Variants in SGCZ observed in about 807,000 individuals in gnomAD.
SGCZ encodes the protein zeta-sarcoglycan.
In SGCZ, 40 loss-of-function variants were observed where a neutral mutation model predicts 41.3. The observed-to-expected ratio is 0.97, with a 90% CI of 0.75 to 1.26. The LOEUF (loss-of-function observed/expected upper bound fraction) is 1.26, where lower values mean the gene tolerates loss of function less well. Among genes scored for constraint, SGCZ ranks in the 50% most tolerant of loss-of-function variants. SGCZ has a pLI of 0.00. For synonymous variants in SGCZ, 206 were observed against 137.5 expected, an observed-to-expected ratio of 1.50 and a Z score of -3.49; for missense variants, 552 against 369.8, an observed-to-expected ratio of 1.49 and a Z score of -4.04.
At chr8:14,945,670 T>C (rs1800420404) in intron 1 of SGCZ, among the ~76,000 whole-genome samples, 1 of 151,730 alleles carries the variant, frequency 6.6e-6, no homozygotes, top group Admixed American at 6.6e-5. Context: ...CTACAATCAA[T>C]GTGGGCAGGC....
intron 1 of SGCZ, among the ~76,000 whole-genome samples, chr8:15,040,950 T>C (rs1426341555): frequency 2.0e-5 from 3 of 152,090 alleles, no homozygotes; most frequent in African/African-American, 4.8e-5. Flanking sequence ...AAAAAGTGTC[T>C]AATACGTTTA....
At chr8:14,649,164 A>G (rs1807318202) in intron 1 of SGCZ, among the ~76,000 whole-genome samples, 3 of 152,140 alleles carry the variant, frequency 2.0e-5, no homozygotes, top group African/African-American at 7.2e-5. Context: ...GCTTTCCAAG[A>G]ACTGAGAAGG....
chr8:15,048,772 A>G (rs570813655), intron 1 of SGCZ, among the ~76,000 whole-genome samples: 2 of 152,254 alleles, frequency 1.3e-5, no homozygotes, highest in South Asian at 4.1e-4. Context: ...TTTTTTATAT[A>G]TAGACATATT....
chr8:14,244,787 T>G (rs1405105927), intron 3 of SGCZ, among the ~76,000 whole-genome samples: 1 of 152,100 alleles, frequency 6.6e-6, no homozygotes, highest in African/African-American at 2.4e-5. Context: ...GGTTTGTAGT[T>G]CTCCTTGAAG....
rs1163992326 is a variant in SGCZ, at chr8:15,237,629, G to T, written c.-6C>A. 1.3e-6 allele frequency: 2 copies of T among 1,581,834 alleles called. No individual in the cohort carries two copies. Among genetic ancestry groups the T allele is most frequent in the African/African-American group, 1.3e-5 (1 of 74,220 alleles). Reference sequence around the variant, plus strand: ...AGGTTCGTTGATCTGTCCATGGAGCGCAACTAAACGAAGTGGAGAGGAACC... The same window carrying T: ...AGGTTCGTTGATCTGTCCATGGAGCTCAACTAAACGAAGTGGAGAGGAACC... On this transcript the variant is annotated 5_prime_UTR_variant, in exon 1 of 8. Transcript: ENST00000382080.
intron 2 of SGCZ, among the ~76,000 whole-genome samples, chr8:14,372,365 T>G (rs1031194743): frequency 3.9e-5 from 6 of 152,200 alleles, no homozygotes; most frequent in African/African-American, 1.4e-4. Flanking sequence ...ATTCATTCTT[T>G]TGTTGAACAA....
intron 2 of SGCZ, among the ~76,000 whole-genome samples, chr8:14,440,201 A>G (rs1403723827): frequency 1.3e-5 from 2 of 152,052 alleles, no homozygotes; most frequent in Admixed American, 1.3e-4. Flanking sequence ...TTTTTTGCCT[A>G]TATGTCATAG....
At chr8:15,020,235 G>A (rs1803200029) in intron 1 of SGCZ, among the ~76,000 whole-genome samples, 1 of 152,076 alleles carries the variant, frequency 6.6e-6, no homozygotes, top group Non-Finnish European at 1.5e-5. Context: ...AGCAATTTAA[G>A]CTTGGTTTGC....
rs557678453 is a variant in SGCZ at position 14,374,620 on chromosome 8, T to C, written c.235-50416A>G. ...TGAACACGAAAAGCCTATTTAGGAC[T>C]GATGGCCATAAATACATAGGGAGGC... On this transcript the variant is annotated intron_variant, in intron 2 of 7. Transcript: ENST00000382080. Among the ~76,000 whole-genome samples the C allele has an allele frequency of 1.6e-4, 25 of 152,204 alleles. No homozygotes were observed. In the East Asian group the frequency reaches 4.3e-3, roughly 26 times the overall value.
At chr8:14,147,781 A>T (rs13276610) in intron 5 of SGCZ, among the ~76,000 whole-genome samples, 49,136 of 152,014 alleles carry the variant, frequency 0.32, 10,210 homozygotes, top group Non-Finnish European at 0.47. Flanking sequence ...CATGTGGATC[A>T]TTATCAGGGA....
chr8:14,532,929 C>A (rs1202572299), intron 2 of SGCZ, among the ~76,000 whole-genome samples: 1 of 151,906 alleles, frequency 6.6e-6, no homozygotes, highest in Non-Finnish European at 1.5e-5. Context: ...AACTTTCAAT[C>A]TTTTCTAGTT....
chr8:14,130,978 C>T (rs189060591), intron 5 of SGCZ, among the ~76,000 whole-genome samples: 2 of 152,156 alleles, frequency 1.3e-5, no homozygotes, highest in Admixed American at 6.5e-5. Context: ...TCCTTTGTGC[C>T]CTGTGTAAAT....
At chr8:15,093,214 T>A (rs759722385) in intron 1 of SGCZ, among the ~76,000 whole-genome samples, 11 of 152,210 alleles carry the variant, frequency 7.2e-5, no homozygotes, top group African/African-American at 1.2e-4. Context: ...AACATTTGTA[T>A]AGATTTTAAG....
chr8:14,943,514 T>G (rs1183639698), intron 1 of SGCZ, among the ~76,000 whole-genome samples: 1 of 152,178 alleles, frequency 6.6e-6, no homozygotes, highest in South Asian at 2.1e-4. Flanking sequence ...AGGTGTCTCA[T>G]AGCCTCTTTC....
chr8:14,220,939 T>C (rs964354433), intron 4 of SGCZ, among the ~76,000 whole-genome samples: 4 of 152,312 alleles, frequency 2.6e-5, no homozygotes, highest in African/African-American at 7.2e-5. Context: ...GTTGTCATTG[T>C]TAAGATAACA....
intron 5 of SGCZ, among the ~76,000 whole-genome samples, chr8:14,140,160 T>C (rs966723431): frequency 6.6e-5 from 10 of 152,324 alleles, no homozygotes; most frequent in Non-Finnish European, 1.3e-4. Context: ...TAGGTATTGA[T>C]GGAACGTATC....
intron 1 of SGCZ, among the ~76,000 whole-genome samples, chr8:14,940,240 C>T (rs534798006): frequency 1.2e-4 from 19 of 152,204 alleles, no homozygotes; most frequent in African/African-American, 3.4e-4. Context: ...AATTACATAG[C>T]AGTAACATGC....
intron 2 of SGCZ, among the ~76,000 whole-genome samples, chr8:14,497,560 A>ATGTG (rs35100445): frequency 6.6e-6 from 1 of 150,742 alleles, no homozygotes; most frequent in African/African-American, 2.4e-5. Context: ...GTGTGTGCGT[A>ATGTG]TGTGTGTGTG....
rs1239860294 is a variant in SGCZ at position 14,087,961 on chromosome 8, C to T, written c.*2482G>A. ...TATATCATCTGGATACAGTCTAAAG[C>T]TCTCAAGCTTGTAAGTTACTTTTGA... is the stretch of plus-strand genomic sequence containing the variant. On this transcript the variant is annotated 3_prime_UTR_variant, in exon 8 of 8. Transcript: ENST00000382080. Among the ~76,000 whole-genome samples the T allele has an allele frequency of 1.3e-5, 2 of 151,778 alleles. No individual in the cohort carries two copies. Among genetic ancestry groups the T allele is most frequent in the East Asian group, 3.9e-4 (2 of 5,154 alleles).
Sources: allele counts gnomAD v4.1 joint callset (sites outside exome capture counted in the v4.1 genomes callset), GRCh38; gene constraint gnomAD v4.1.1; transcripts MANE v1.5; gene names NCBI Gene and HGNC (gene_info 2026-07-23, HGNC 2026-07-21).